MCM6: variants seen among roughly 807,000 people sequenced by gnomAD.
The protein encoded by MCM6 is minichromosome maintenance complex component 6, also known as DNA replication licensing factor MCM6.
Under a neutral mutation model 94.3 loss-of-function variants are expected in MCM6, and 46 were observed. The observed-to-expected ratio is 0.49, with a 90% CI of 0.39 to 0.62. The LOEUF is 0.62. Among genes scored for constraint, MCM6 ranks in the 20% least tolerant of loss-of-function variants. MCM6 has a pLI of 0.00. For synonymous variants in MCM6, 335 were observed against 351.9 expected (o/e 0.95, Z 0.54); for missense variants, 865 against 1,017.9 (o/e 0.85, Z 2.04).
At chr2:135,865,787 C>T (rs932712003) in intron 6 of MCM6, among the ~76,000 whole-genome samples, 1 of 152,106 alleles carries the variant, frequency 6.6e-6, no homozygotes, top group African/African-American at 2.4e-5. Context: ...AAATCTTAAC[C>T]CCATCCCGTG....
chr2:135,856,034 TA>T (rs1439296354), intron 11 of MCM6, among the ~76,000 whole-genome samples: 3 of 151,232 alleles, frequency 2.0e-5, no homozygotes, highest in African/African-American at 4.9e-5. Context: ...GACTCATGAT[TA>T]AAAAAAAGAA....
At position 135,844,611 on chromosome 2, in the gene MCM6, G is replaced by A. The variant is rs1020619459; in HGVS notation, c.2283C>T (p.Asp761=). The A allele has an allele frequency of 1.6e-5, 26 of 1,587,644 alleles. No homozygotes were observed. The highest frequency in any genetic ancestry group is 2.2e-5 in the Non-Finnish European group (26 of 1,168,900). Residue 761 remains aspartate, a synonymous_variant, in exon 16 of 17, where the codon GAC becomes GAT. Coordinates refer to ENST00000264156, the MANE Select transcript of MCM6 (RefSeq NM_005915.6). ...TTTTATTTATAAGTTCTTCTTCAGA[G>A]TCTATCTCTGATTCGATTTCCTTCA... ...WYLKEIESEI[D]SEEELINKKR... is the part of the protein sequence containing the mutation.
intron 4 of MCM6, 50 bp downstream of exon 4, chr2:135,868,561 G>A: frequency 6.3e-7 from 1 of 1,586,496 alleles, no homozygotes; most frequent in South Asian, 1.1e-5. Context: ...GCCTAGAAGT[G>A]AATTATTATC....
At chr2:135,873,066 G>A (rs1218394630) in intron 1 of MCM6, among the ~76,000 whole-genome samples, 5 of 152,250 alleles carry the variant, frequency 3.3e-5, no homozygotes, top group East Asian at 1.9e-4. Flanking sequence ...GGCACCTGGT[G>A]GGAGTTAATT....
chr2:135,853,010 C>T, intron 11 of MCM6, 95 bp from the exon 12 acceptor site: 3 of 1,097,124 alleles, frequency 2.7e-6, no homozygotes, highest in Non-Finnish European at 3.8e-6. Context: ...CAAAAACAAG[C>T]TCTAATATAC....
chr2:135,872,740 A>G lies in MCM6; in HGVS notation c.211T>C (p.Phe71Leu), dbSNP rs776345642. ...LVVSFVDLEQ[F>L]NQQLSTTIQE... The stretch of plus-strand genomic sequence containing the variant: ...ATGGTGGTGGAAAGTTGCTGGTTAA[A>G]TTGTTCCAGGTCCACAAAACTCACA... Residue 71 changes from phenylalanine (F) to leucine (L), a missense_variant, in exon 2 of 17, where the codon TTT (phenylalanine) becomes CTT (leucine). By Grantham distance (22) the Phe-to-Leu change is conservative. Transcript: ENST00000264156. 3.1e-6 allele frequency: 5 copies of G among 1,614,050 alleles called. No individual in the cohort carries two copies. Among genetic ancestry groups the G allele is most frequent in the Non-Finnish European group, 4.2e-6 (5 of 1,180,032 alleles).
At chr2:135,860,159 G>A (rs1679962700) in intron 8 of MCM6, among the ~76,000 whole-genome samples, 1 of 151,276 alleles carries the variant, frequency 6.6e-6, no homozygotes, top group Non-Finnish European at 1.5e-5. Flanking sequence ...TTTAGACAGA[G>A]TCTTGCTCTG....
intron 13 of MCM6, among the ~76,000 whole-genome samples, chr2:135,851,085 T>C (rs1679772191): frequency 6.6e-6 from 1 of 152,172 alleles, no homozygotes; most frequent in Non-Finnish European, 1.5e-5. Context: ...GGCTACATTA[T>C]CTTATCTGTA....
At chr2:135,858,692 T>C (rs184238990) in intron 9 of MCM6, among the ~76,000 whole-genome samples, 25 of 152,312 alleles carry the variant, frequency 1.6e-4, no homozygotes, top group African/African-American at 5.5e-4. Flanking sequence ...ACTAAAAATA[T>C]ACACTTACTG....
chr2:135,854,573 A>AGG (rs1679839540), intron 11 of MCM6, among the ~76,000 whole-genome samples: 1 of 150,640 alleles, frequency 6.6e-6, no homozygotes. Context: ...AAAGAAAAAG[A>AGG]AAAAGAAAAG....
intron 11 of MCM6, among the ~76,000 whole-genome samples, chr2:135,854,554 GAAAA>G (rs60105084): frequency 0.46 from 34,986 of 75,538 alleles, 10,372 homozygotes; most frequent in Non-Finnish European, 0.56. Context: ...AAAAAAAAGA[GAAAA>G]AGAAAAAGAA....
rs879044781 is a variant in MCM6, at chr2:135,841,009, T to G, written c.2350-58A>C. 54 of 1,208,356 alleles carry G rather than the reference T, an allele frequency of 4.5e-5. 2 individuals are homozygous for G. In the South Asian group the frequency reaches 6.6e-4, roughly 15 times the overall value. The allele number at this position is 1,208,356 out of a possible 1,614,324, so 74.9% of individuals were successfully genotyped here. A position where few individuals can be genotyped will look rare whatever the true frequency, so the allele number is the denominator to read the frequency against. On this transcript the variant is annotated intron_variant, in intron 16 of 16. Transcript: ENST00000264156. ...AAGCAGTATTATACCAATGTCCAGA[T>G]ATACAAGACTTGACCCTTCTTCCGA...
At chr2:135,848,927 C>T (rs907467328) in intron 13 of MCM6, among the ~76,000 whole-genome samples, 14 of 151,720 alleles carry the variant, frequency 9.2e-5, no homozygotes, top group African/African-American at 3.4e-4. Context: ...ATGAAACCAG[C>T]CAGAAAATGA....
chr2:135,851,899 T>C (rs1376817002), intron 12 of MCM6: 1 of 165,250 alleles, frequency 6.1e-6, no homozygotes, highest in African/African-American at 2.4e-5. Flanking sequence ...ATTAAATAAA[T>C]TAATGCTCAG....
intron 13 of MCM6, 93 bp downstream of exon 13, chr2:135,851,309 G>T: frequency 3.2e-6 from 3 of 924,170 alleles, no homozygotes; most frequent in Non-Finnish European, 3.2e-6. Context: ...AAATGTATTT[G>T]CAGTGAATTC....
Position 135,840,074 on chromosome 2 carries a change from A to G in MCM6, c.*761T>C, listed in dbSNP as rs1318204302. The stretch of plus-strand genomic sequence containing the variant: ...ATAACTTTTCCTGGAAGACCATAAA[A>G]TTTGGGGATTGCTTGTAATATAGCA... On this transcript the variant is annotated 3_prime_UTR_variant, in exon 17 of 17. Transcript: ENST00000264156. The G allele has an allele frequency of 6.6e-6, 1 of 152,188 alleles. No homozygotes were observed. Among genetic ancestry groups the G allele is most frequent in the Non-Finnish European group, 1.5e-5 (1 of 68,022 alleles). The allele number at this position is 152,188 out of a possible 1,614,324, so 9.4% of individuals were successfully genotyped here.
At position 135,840,663 on chromosome 2, in the gene MCM6, C is replaced by T. The variant is rs899375084; in HGVS notation, c.*172G>A. 3.5e-6 allele frequency: 2 copies of T among 574,892 alleles called. No homozygotes were observed. The highest frequency in any genetic ancestry group is 3.1e-5 in the Admixed American group (1 of 32,626). 35.6% of individuals were successfully genotyped at this position (574,892 alleles called of 1,614,324 possible). On this transcript the variant is annotated 3_prime_UTR_variant, in exon 17 of 17. Coordinates refer to ENST00000264156, the MANE Select transcript of MCM6 (RefSeq NM_005915.6). Reference sequence around the variant, plus strand: ...TGCTGAAGCCTGTGTTGGTATGAAACCTGTGATGAATGTGACACATAGGAC... The same window carrying T: ...TGCTGAAGCCTGTGTTGGTATGAAATCTGTGATGAATGTGACACATAGGAC...
At position 135,844,682 on chromosome 2, in the gene MCM6, C is replaced by T. The variant is rs1679638182; in HGVS notation, c.2212G>A (p.Glu738Lys). ...CTCCTCTTTAATGCTGACTCGTCCTCTTCTGCAACAAAAAAACACATTCAA... is the reference window on the plus strand; with the variant it reads ...CTCCTCTTTAATGCTGACTCGTCCTTTTCTGCAACAAAAAAACACATTCAA... ...VLHLRKVEEE[E>K]DESALKRSEL... Residue 738 changes from glutamate (E) to lysine (K), a missense_variant and splice_region_variant, in exon 16 of 17, where the codon GAG becomes AAG. Physicochemically the swap from Glu to Lys is moderately conservative, Grantham distance 56. This residue lies in a region of MCM6 where 308 missense variants were observed against 324.5 expected (regional missense o/e 0.95). Coordinates refer to ENST00000264156, the MANE Select transcript of MCM6 (RefSeq NM_005915.6). The T allele has an allele frequency of 6.5e-7, 1 of 1,545,044 alleles. No individual in the cohort carries two copies. Among genetic ancestry groups the T allele is most frequent in the African/African-American group, 1.4e-5 (1 of 71,686 alleles).
At chr2:135,875,747 A>G (rs767056448) in intron 1 of MCM6, among the ~76,000 whole-genome samples, 7 of 152,202 alleles carry the variant, frequency 4.6e-5, no homozygotes, top group Non-Finnish European at 7.3e-5. Flanking sequence ...GCCCCCCAGC[A>G]GCTTTCAAAC....
Sources: gnomAD v4.1 joint callset for allele counts (sites outside exome capture counted in the v4.1 genomes callset) on GRCh38, gnomAD v4.1.1 for gene constraint, gnomAD v4.1.1 regional missense constraint, MANE v1.5 for transcripts, NCBI Gene and HGNC (gene_info 2026-07-23, HGNC 2026-07-21) for gene names.